The following UBR1 variants were observed in gnomAD, a reference collection of about 807,000 sequenced individuals.
The protein encoded by UBR1 is E3 ubiquitin-protein ligase UBR1.
A neutral mutation model predicts 242.1 loss-of-function variants in UBR1; 102 were observed. The observed-to-expected ratio is 0.42, with a 90% confidence interval of 0.36 to 0.50. The LOEUF (loss-of-function observed/expected upper bound fraction) is 0.50, where lower values mean the gene tolerates loss of function less well. Ranked by LOEUF, UBR1 falls within the 20% of genes least tolerant of loss-of-function variation. The pLI is 0.01. For synonymous variants in UBR1, 675 were observed against 684.8 expected (o/e 0.99, Z 0.22); for missense variants, 1,772 against 2,101.8 (o/e 0.84, Z 3.07).
At chr15:43,062,104 G>C (rs2033695746) in intron 6 of UBR1, among the ~76,000 whole-genome samples, 1 of 152,102 alleles carries the variant, frequency 6.6e-6, no homozygotes, top group Non-Finnish European at 1.5e-5. Flanking sequence ...ATTAGAAATA[G>C]AATTCCCATA....
intron 1 of UBR1, among the ~76,000 whole-genome samples, chr15:43,099,817 G>A (rs2034206698): frequency 6.6e-6 from 1 of 151,820 alleles, no homozygotes; most frequent in Admixed American, 6.6e-5. Flanking sequence ...TCTGAGACAC[G>A]CTACATAAAA....
At chr15:43,070,947 C>T (rs1187145185) in intron 4 of UBR1, 22 bp from the exon 5 acceptor site, 1 of 1,611,088 alleles carries the variant, frequency 6.2e-7, no homozygotes, top group South Asian at 1.1e-5. Flanking sequence ...CCGAGAAAAA[C>T]ATACTAGTCA....
At chr15:43,004,649 G>A (rs568758892) in intron 30 of UBR1, among the ~76,000 whole-genome samples, 14 of 152,322 alleles carry the variant, frequency 9.2e-5, no homozygotes, top group African/African-American at 2.6e-4. Flanking sequence ...CCGAGGTGCC[G>A]GGATTGCAGA....
chr15:43,095,542 T>TAAA lies in UBR1; in HGVS notation c.82-9305_82-9303dup, dbSNP rs60302282. On this transcript the variant is annotated intron_variant, in intron 1 of 46. Transcript: ENST00000290650. ...GATTAGAATTAGAGTGTGACAACATTAAAAAAAAAAAAAAAAGGCTGCATC... is the reference window on the plus strand; with the variant it reads ...GATTAGAATTAGAGTGTGACAACATTAAAAAAAAAAAAAAAAAAAGGCTGCATC... Among the ~76,000 whole-genome samples, 252 of 117,510 alleles carry TAAA rather than the reference T, an allele frequency of 2.1e-3. 1 individual carries two copies. The highest frequency in any genetic ancestry group is 7.6e-3 in the African/African-American group (242 of 31,892). The allele number at this position is 117,510 out of a possible 152,430, so 77.1% of individuals were successfully genotyped here.
intron 6 of UBR1, among the ~76,000 whole-genome samples, chr15:43,062,511 C>CTGT (rs1296685676): frequency 6.6e-6 from 1 of 152,104 alleles, no homozygotes; most frequent in Middle Eastern, 3.2e-3. Flanking sequence ...TTCTAGAGAT[C>CTGT]TGTTGCACGA....
At chr15:42,970,726 C>CTTTTT in intron 39 of UBR1, 119 bp from the exon 40 acceptor site, 1 of 738,068 alleles carries the variant, frequency 1.4e-6, no homozygotes, top group Non-Finnish European at 2.1e-6. Context: ...AGGTTCTTTC[C>CTTTTT]TTTTTTTTTT....
At chr15:42,988,461 A>AT (rs776962125) in intron 35 of UBR1, 5 of 272,962 alleles carry the variant, frequency 1.8e-5, no homozygotes, top group East Asian at 9.3e-5. Flanking sequence ...CGCCTGGCTA[A>AT]TTTTTTGTAG....
chr15:43,053,987 G>A (rs544337555), intron 12 of UBR1, among the ~76,000 whole-genome samples: 18 of 152,156 alleles, frequency 1.2e-4, no homozygotes, highest in African/African-American at 3.4e-4. Flanking sequence ...TTCAGTCTGC[G>A]GTTGGTTGAA....
chr15:42,947,819 T>C (rs1325969455), intron 46 of UBR1, among the ~76,000 whole-genome samples: 1 of 152,240 alleles, frequency 6.6e-6, no homozygotes, highest in Non-Finnish European at 1.5e-5. Flanking sequence ...TCCACGCTCA[T>C]GGGTAGGAAG....
intron 28 of UBR1, among the ~76,000 whole-genome samples, chr15:43,016,222 C>G (rs2033021761): frequency 6.6e-6 from 1 of 152,176 alleles, no homozygotes; most frequent in Non-Finnish European, 1.5e-5. Context: ...TGATTTCTAA[C>G]AGTTACTTCT....
intron 1 of UBR1, among the ~76,000 whole-genome samples, chr15:43,094,479 TTC>T (rs1036330163): frequency 3.3e-5 from 5 of 151,642 alleles, no homozygotes; most frequent in Non-Finnish European, 7.4e-5. Context: ...CATTCTCACA[TTC>T]TTTTTTTCTT....
chr15:42,978,032 A>C, intron 37 of UBR1, 85 bp from the exon 38 acceptor site: 1 of 1,035,970 alleles, frequency 9.7e-7, no homozygotes, highest in Non-Finnish European at 1.5e-6. Flanking sequence ...CACCTAAACC[A>C]AACATATAAC....
intron 37 of UBR1, among the ~76,000 whole-genome samples, chr15:42,983,114 C>T (rs2032403581): frequency 6.6e-6 from 1 of 152,070 alleles, no homozygotes. Flanking sequence ...GCTGTTATAG[C>T]CAGCCTGTCA....
rs1242129337 is a variant in UBR1 at position 43,036,211 on chromosome 15, C to G, written c.2157G>C (p.Glu719Asp). The change falls in exon 19 of 47, where the codon GAG becomes GAC. Residue 719 changes from glutamate to aspartate, a missense_variant. By Grantham distance (45) the Glu-to-Asp change is conservative. Coordinates refer to ENST00000290650, the MANE Select transcript of UBR1 (RefSeq NM_174916.3). ...TTGTAGATATGGTCTTGTTAAAAGC[C>G]TCGGCAAGTTCATACCTCTGAAGTA... ...LLVLQRYELAEAFNKTISTKD... is the reference protein window; with the variant it reads ...LLVLQRYELADAFNKTISTKD... 6.2e-7 allele frequency: 1 copy of G among 1,613,654 alleles called. No individual in the cohort carries two copies. The highest frequency in any genetic ancestry group is 1.7e-5 in the Admixed American group (1 of 60,006).
intron 35 of UBR1, among the ~76,000 whole-genome samples, chr15:42,986,690 A>G (rs1033919444): frequency 2.0e-5 from 3 of 152,208 alleles, no homozygotes; most frequent in African/African-American, 7.2e-5. Flanking sequence ...CCCATGATTT[A>G]AGTCTAACAG....
chr15:43,089,458 G>A (rs977922986), intron 1 of UBR1, among the ~76,000 whole-genome samples: 2 of 152,160 alleles, frequency 1.3e-5, no homozygotes, highest in Non-Finnish European at 2.9e-5. Flanking sequence ...TTGCGCCACT[G>A]CATTCCAGCC....
At chr15:42,992,374 G>T (rs115447051) in intron 33 of UBR1, among the ~76,000 whole-genome samples, 22 of 152,230 alleles carry the variant, frequency 1.4e-4, no homozygotes, top group African/African-American at 5.3e-4. Context: ...TACATTGGGA[G>T]GTTCTGGTCC....
At chr15:43,014,422 C>T (rs537655060) in intron 29 of UBR1, among the ~76,000 whole-genome samples, 95 of 152,176 alleles carry the variant, frequency 6.2e-4, no homozygotes, top group African/African-American at 2.2e-3. Context: ...GCCGCCATCC[C>T]ATCTAGGAAG....
Position 43,074,994 on chromosome 15 carries a change from T to C in UBR1, c.513A>G (p.Ala171=), listed in dbSNP as rs751539801. Residue 171 remains alanine (A), a synonymous_variant, in exon 4 of 47, where the codon GCA becomes GCG. Coordinates refer to ENST00000290650, the MANE Select transcript of UBR1 (RefSeq NM_174916.3). Reference sequence around the variant, plus strand: ...GCATTCTTACCTCTTTTATAGTACCTGCTCTTCCAGGTTCATGATTTACAC... The same window carrying C: ...GCATTCTTACCTCTTTTATAGTACCCGCTCTTCCAGGTTCATGATTTACAC... ...PFCVNHEPGR[A]GTIKENSRCP... is the part of the protein sequence containing the mutation. 6.2e-7 allele frequency: 1 copy of C among 1,613,452 alleles called. No homozygotes were observed. The highest frequency in any genetic ancestry group is 1.3e-5 in the African/African-American group (1 of 74,936).
Sources: allele counts gnomAD v4.1 joint callset (sites outside exome capture counted in the v4.1 genomes callset), GRCh38; gene constraint gnomAD v4.1.1; transcripts MANE v1.5; gene names NCBI Gene and HGNC (gene_info 2026-07-23, HGNC 2026-07-21).